The following CDH11 variants were observed in gnomAD, a reference collection of about 807,000 sequenced individuals.
CDH11 encodes the protein cadherin 11, also known as cadherin-11.
CDH11 carries 11 observed loss-of-function variants against 67.8 expected under a neutral mutation model. The observed-to-expected ratio is 0.16, with a 90% CI of 0.10 to 0.27. The LOEUF (loss-of-function observed/expected upper bound fraction) is 0.27, where lower values mean the gene tolerates loss of function less well. Among genes scored for constraint, CDH11 ranks in the 10% least tolerant of loss-of-function variants. The probability of loss-of-function intolerance (pLI) is 1.00; values close to 1 mark genes in which losing one functional copy is unlikely to be tolerated. For synonymous variants in CDH11, 419 were observed against 400.0 expected (o/e 1.05, Z -0.57); for missense variants, 847 against 1,031.2 (o/e 0.82, Z 2.45).
At position 65,041,299 on chromosome 16, in the gene CDH11, C is replaced by T. The variant is rs536492659; in HGVS notation, c.-173+12505G>A. Among the ~76,000 whole-genome samples, 14 of 152,312 alleles carry T rather than the reference C, an allele frequency of 9.2e-5. No homozygotes were observed. In the East Asian group the frequency reaches 2.5e-3, roughly 27 times the overall value. ...CATGGGTACCAACTGATTGACCAAT[C>T]GCCACCTCTTCCAAAGACCAGCACA... On this transcript the variant is annotated intron_variant, in intron 2 of 12. Transcript: ENST00000268603.
chr16:65,025,336 T>A (rs992232144), intron 2 of CDH11, among the ~76,000 whole-genome samples: 1 of 152,142 alleles, frequency 6.6e-6, no homozygotes. Flanking sequence ...TTTGGGTAGG[T>A]TTTTTTCCCC....
chr16:64,955,995 T>G (rs1265729038), intron 11 of CDH11, among the ~76,000 whole-genome samples: 1 of 152,154 alleles, frequency 6.6e-6, no homozygotes, highest in African/African-American at 2.4e-5. Context: ...GAGGACATAT[T>G]TCCAGGAAAG....
Position 65,121,982 on chromosome 16 carries a change from G to T in CDH11, c.-400C>A. 1.4e-6 allele frequency: 1 copy of T among 701,116 alleles called. No individual in the cohort carries two copies. Among genetic ancestry groups the T allele is most frequent in the Middle Eastern group, 2.3e-4 (1 of 4,292 alleles). 43.4% of individuals were successfully genotyped at this position (701,116 alleles called of 1,614,324 possible). A position where few individuals can be genotyped will look rare whatever the true frequency, so the allele number is the denominator to read the frequency against. ...GCCCCAGTCCCGGTCCCATTCACAAGTCAGCGGCGGCTGCGAGCGGCCCCC... is the reference window on the plus strand; with the variant it reads ...GCCCCAGTCCCGGTCCCATTCACAATTCAGCGGCGGCTGCGAGCGGCCCCC... On this transcript the variant is annotated 5_prime_UTR_variant, in exon 1 of 13. Transcript: ENST00000268603. The surrounding 1 kb of genome is among the most constrained non-coding windows in gnomAD (Gnocchi z 4.1).
chr16:65,095,992 A>C (rs1410024352), intron 1 of CDH11, among the ~76,000 whole-genome samples: 1 of 152,200 alleles, frequency 6.6e-6, no homozygotes, highest in East Asian at 1.9e-4. Context: ...TTTAAATTTT[A>C]AACTTAAATT....
chr16:64,998,010 C>G (rs892408643), intron 4 of CDH11, among the ~76,000 whole-genome samples: 1 of 152,188 alleles, frequency 6.6e-6, no homozygotes, highest in South Asian at 2.1e-4. Flanking sequence ...GTGGCTAATT[C>G]TTTGAATAAA....
intron 2 of CDH11, among the ~76,000 whole-genome samples, chr16:65,007,698 A>C (rs184489484): frequency 1.3e-5 from 2 of 152,318 alleles, no homozygotes; most frequent in East Asian, 3.9e-4. Context: ...AAGCCTGTGT[A>C]AAATTTTCTT....
intron 2 of CDH11, among the ~76,000 whole-genome samples, chr16:65,008,592 A>G (rs1267198749): frequency 6.6e-6 from 1 of 152,198 alleles, no homozygotes. Flanking sequence ...CTCTTAAAGG[A>G]TGAGGAAACT....
At chr16:65,040,112 G>A (rs1346281331) in intron 2 of CDH11, among the ~76,000 whole-genome samples, 1 of 152,218 alleles carries the variant, frequency 6.6e-6, no homozygotes, top group African/African-American at 2.4e-5. Flanking sequence ...TGGTGGGACT[G>A]TAAACTAGTT....
intron 2 of CDH11, among the ~76,000 whole-genome samples, chr16:65,048,656 A>G (rs2074003290): frequency 6.6e-6 from 1 of 152,050 alleles, no homozygotes; most frequent in Admixed American, 6.6e-5. Context: ...ACGTGTCTAT[A>G]TCTACATATA....
chr16:65,001,344 G>A (rs577205525), intron 3 of CDH11, among the ~76,000 whole-genome samples: 35 of 152,240 alleles, frequency 2.3e-4, no homozygotes, highest in South Asian at 6.2e-4. Flanking sequence ...GGCCTATGAC[G>A]GATGAACAGA....
At chr16:65,014,104 T>C (rs565626464) in intron 2 of CDH11, among the ~76,000 whole-genome samples, 1 of 152,346 alleles carries the variant, frequency 6.6e-6, no homozygotes, top group Non-Finnish European at 1.5e-5. Flanking sequence ...CTGGATACCA[T>C]GCTCTAATCC....
intron 3 of CDH11, 89 bp downstream of exon 3, chr16:65,004,553 T>C: frequency 7.5e-7 from 1 of 1,339,852 alleles, no homozygotes; most frequent in Non-Finnish European, 1.0e-6. Context: ...CTCTCTTAGA[T>C]GCCTGTGGGC....
At chr16:65,007,918 T>A (rs2073094899) in intron 2 of CDH11, among the ~76,000 whole-genome samples, 1 of 152,128 alleles carries the variant, frequency 6.6e-6, no homozygotes. Context: ...ACTCTAAACT[T>A]GACATTGTCT....
intron 2 of CDH11, among the ~76,000 whole-genome samples, chr16:65,028,283 C>A (rs1319851929): frequency 6.6e-6 from 1 of 152,122 alleles, no homozygotes; most frequent in Admixed American, 6.5e-5. Flanking sequence ...TTCCTGGTGT[C>A]TGCCCCTGCC....
At chr16:64,988,480 G>A (rs991834662) in intron 6 of CDH11, 136 bp from the exon 7 acceptor site, 1 of 756,274 alleles carries the variant, frequency 1.3e-6, no homozygotes, top group Non-Finnish European at 2.1e-6. Flanking sequence ...TGAAAGAAGT[G>A]AGTGGATGTG....
intron 7 of CDH11, chr16:64,985,764 G>T (rs1255383521): frequency 6.8e-6 from 1 of 147,850 alleles, no homozygotes; most frequent in South Asian, 2.3e-4. Context: ...GTGAGGGGAA[G>T]CCTGGGATAC....
intron 2 of CDH11, among the ~76,000 whole-genome samples, chr16:65,017,118 T>C (rs1350274446): frequency 6.6e-6 from 1 of 152,180 alleles, no homozygotes; most frequent in Admixed American, 6.5e-5. Flanking sequence ...CCTCTCCCTT[T>C]ATCAGTAGGG....
At chr16:65,032,174 G>A (rs2073656252) in intron 2 of CDH11, among the ~76,000 whole-genome samples, 1 of 152,072 alleles carries the variant, frequency 6.6e-6, no homozygotes, top group African/African-American at 2.4e-5. Flanking sequence ...GTGAGGCAGG[G>A]ATAATTCCTA....
chr16:65,035,802 C>A (rs1459443073), intron 2 of CDH11, among the ~76,000 whole-genome samples: 2 of 152,138 alleles, frequency 1.3e-5, no homozygotes, highest in Non-Finnish European at 2.9e-5. Flanking sequence ...CATACCTAGT[C>A]TTTAGTATTC....
Sources: allele counts gnomAD v4.1 joint callset (sites outside exome capture counted in the v4.1 genomes callset), GRCh38; gene constraint gnomAD v4.1.1; non-coding constraint Gnocchi (gnomAD v3.1); transcripts MANE v1.5; gene names NCBI Gene and HGNC (gene_info 2026-07-23, HGNC 2026-07-21).